The following SYNC variants were observed in gnomAD, a reference collection of about 807,000 sequenced individuals.
SYNC encodes syncoilin, intermediate filament protein, also known as syncoilin.
Under a neutral mutation model 49.5 loss-of-function variants are expected in SYNC, and 38 were observed. The ratio of observed to expected loss-of-function variants is 0.77; its 90% CI spans 0.59 to 1.01. The LOEUF (loss-of-function observed/expected upper bound fraction) is 1.01, where lower values mean the gene tolerates loss of function less well. SYNC is among the 50% of genes least tolerant of loss of function. The pLI, the probability that SYNC is intolerant of heterozygous loss-of-function variation, is 0.00. For missense variants in SYNC, 579 were observed against 580.6 expected (o/e 1.00, Z 0.03); for synonymous variants, 201 against 230.8 (o/e 0.87, Z 1.17).
chr1:32,684,356 G>C lies in SYNC; in HGVS notation c.1260C>G (p.Arg420=), dbSNP rs752610030. Residue 420 remains arginine (R), a synonymous_variant, in exon 3 of 5, where the codon CGC becomes CGG. Transcript: ENST00000409190. The part of the protein sequence containing the change: ...YREQLEEMEE[R]QRQLRNGVQL... ...GCACCCCATTTCTTAACTGCCTCTGGCGTTCTTCCATTTCCTCCAGCTGTT... is the reference window on the plus strand; with the variant it reads ...GCACCCCATTTCTTAACTGCCTCTGCCGTTCTTCCATTTCCTCCAGCTGTT... 6.2e-7 allele frequency: 1 copy of C among 1,614,074 alleles called. No homozygotes were observed. Among genetic ancestry groups the C allele is most frequent in the South Asian group, 1.1e-5 (1 of 91,074 alleles).
At chr1:32,684,772 A>G (rs1259356866) in intron 2 of SYNC, 1 of 159,816 alleles carries the variant, frequency 6.3e-6, no homozygotes, top group Non-Finnish European at 1.4e-5. Flanking sequence ...TTAATAATAT[A>G]AAATACTTAA....
chr1:32,703,564 G>T (rs974516776), upstream of SYNC: 1 of 152,280 alleles, frequency 6.6e-6, no homozygotes, highest in Non-Finnish European at 1.5e-5. Context: ...GGCTTCAGGC[G>T]TTCTTCCTTC....
intron 2 of SYNC, among the ~76,000 whole-genome samples, chr1:32,694,659 A>C (rs1650317270): frequency 6.6e-6 from 1 of 152,060 alleles, no homozygotes; most frequent in East Asian, 1.9e-4. Flanking sequence ...ATCTCAAAAA[A>C]AAAAAAACAA....
chr1:32,683,288 G>T (rs567688992), intron 4 of SYNC: 4 of 140,278 alleles, frequency 2.9e-5, no homozygotes, highest in African/African-American at 1.0e-4. Context: ...AAAAAAAAGA[G>T]TAAGTCTGTG....
chr1:32,696,620 T>C (rs915956560), intron 1 of SYNC, among the ~76,000 whole-genome samples: 3 of 152,038 alleles, frequency 2.0e-5, no homozygotes, highest in Non-Finnish European at 4.4e-5. Context: ...CGGCTAATTT[T>C]TGTATTTTTA....
chr1:32,692,286 T>G (rs1258763671), intron 2 of SYNC, among the ~76,000 whole-genome samples: 1 of 152,202 alleles, frequency 6.6e-6, no homozygotes, highest in Non-Finnish European at 1.5e-5. Flanking sequence ...TACCTGCACC[T>G]CTCATAAATC....
chr1:32,684,502 G>A (rs1167192058), intron 2 of SYNC, 120 bp from the exon 3 acceptor site: 25 of 1,407,550 alleles, frequency 1.8e-5, no homozygotes, highest in Non-Finnish European at 2.1e-5. Flanking sequence ...TATTGAGGCT[G>A]GTATTTATAT....
rs543491300 is a variant in SYNC at position 32,699,406 on chromosome 1, T to C, written c.53+3202A>G. Reference sequence around the variant, plus strand: ...TGACCTCGTGATCCACCAGGGATCATGGCCTCCCAAAGTGCTGGGATTACA... The same window carrying C: ...TGACCTCGTGATCCACCAGGGATCACGGCCTCCCAAAGTGCTGGGATTACA... On this transcript the variant is annotated intron_variant, in intron 1 of 4. Coordinates refer to ENST00000409190, the MANE Select transcript of SYNC (RefSeq NM_030786.3). Among the ~76,000 whole-genome samples, 3 of 149,228 alleles carry C rather than the reference T, an allele frequency of 2.0e-5. 1 individual carries two copies. In the South Asian group the frequency reaches 6.4e-4, roughly 32 times the overall value.
intron 2 of SYNC, among the ~76,000 whole-genome samples, chr1:32,692,916 T>C (rs909766539): frequency 9.3e-5 from 14 of 151,288 alleles, no homozygotes; most frequent in Admixed American, 4.0e-4. Context: ...GAAATGAGAA[T>C]TGCTTGAACC....
intron 2 of SYNC, among the ~76,000 whole-genome samples, chr1:32,693,258 T>C (rs1650254858): frequency 6.6e-6 from 1 of 151,972 alleles, no homozygotes; most frequent in African/African-American, 2.4e-5. Context: ...AATTTTTGTC[T>C]TTTTAGTAGA....
intron 2 of SYNC, 116 bp downstream of exon 2, chr1:32,694,749 G>A: frequency 9.2e-7 from 1 of 1,088,498 alleles, no homozygotes; most frequent in Non-Finnish European, 1.3e-6. Context: ...TGGCCCCAAA[G>A]AACAAATTTT....
chr1:32,697,310 G>A (rs1312013428), intron 1 of SYNC, among the ~76,000 whole-genome samples: 1 of 151,576 alleles, frequency 6.6e-6, no homozygotes, highest in Admixed American at 6.6e-5. Context: ...GCGTGGTGGT[G>A]CATGCCTGTA....
intron 4 of SYNC, 113 bp downstream of exon 4, chr1:32,683,897 T>C (rs1195386125): frequency 9.9e-7 from 1 of 1,007,528 alleles, no homozygotes; most frequent in Admixed American, 2.0e-5. Context: ...CCTCCCAAAG[T>C]GCTAGGATTA....
intron 2 of SYNC, among the ~76,000 whole-genome samples, chr1:32,693,964 C>A (rs777010345): frequency 6.6e-6 from 1 of 152,156 alleles, no homozygotes; most frequent in Non-Finnish European, 1.5e-5. Context: ...TGGCCGGCTG[C>A]GGTGGCTCAC....
chr1:32,684,193 C>T, intron 3 of SYNC, 65 bp downstream of exon 3: 8 of 1,607,128 alleles, frequency 5.0e-6, no homozygotes, highest in Non-Finnish European at 6.0e-6. Context: ...TAAAATTTTC[C>T]CTAAGCCCTC....
At chr1:32,692,524 A>T (rs1570914738) in intron 2 of SYNC, among the ~76,000 whole-genome samples, 1 of 152,218 alleles carries the variant, frequency 6.6e-6, no homozygotes, top group South Asian at 2.1e-4. Flanking sequence ...AGGCCGGTGG[A>T]TCACCTGAGG....
At chr1:32,697,168 G>A (rs760888847) in intron 1 of SYNC, among the ~76,000 whole-genome samples, 5 of 152,006 alleles carry the variant, frequency 3.3e-5, no homozygotes, top group African/African-American at 4.8e-5. Flanking sequence ...TCGGCCAGGC[G>A]TGGTGGCTCA....
In SYNC at chr1:32,702,686, C is replaced by T. The variant is rs993485769; in HGVS notation, c.-26G>A. The T allele has an allele frequency of 1.7e-6, 2 of 1,165,622 alleles. No homozygotes were observed. The highest frequency in any genetic ancestry group is 3.2e-5 in the African/African-American group (2 of 61,646). 72.2% of individuals were successfully genotyped at this position (1,165,622 alleles called of 1,614,324 possible). ...GGCTGCGCGACCCCGGGCTGGCGGCCGCGTTATTAATAGCCGGGCCCGCGG... is the reference window on the plus strand; with the variant it reads ...GGCTGCGCGACCCCGGGCTGGCGGCTGCGTTATTAATAGCCGGGCCCGCGG... On this transcript the variant is annotated 5_prime_UTR_variant, in exon 1 of 5. Transcript: ENST00000409190. The surrounding 1 kb of genome is among the most constrained non-coding windows in gnomAD (Gnocchi z 6.2).
Position 32,684,090 on chromosome 1 carries a change from C to CT in SYNC, c.1359-2dup. On this transcript the variant is annotated splice_acceptor_variant, in intron 3 of 4. Transcript: ENST00000409190. LOFTEE classifies it high-confidence loss of function. ...CAGGCTCTTGGGTAGTAGCATAGCC[C>CT]TTTAAAAAGAGAGAGCCATTTTCCA... 1 of 1,609,852 alleles carries CT rather than the reference C, an allele frequency of 6.2e-7. No homozygotes were observed. Among genetic ancestry groups the CT allele is most frequent in the Non-Finnish European group, 8.5e-7 (1 of 1,179,830 alleles).
Sources: allele counts gnomAD v4.1 joint callset (sites outside exome capture counted in the v4.1 genomes callset), GRCh38; gene constraint gnomAD v4.1.1; non-coding constraint Gnocchi (gnomAD v3.1); transcripts MANE v1.5; gene names NCBI Gene and HGNC (gene_info 2026-07-23, HGNC 2026-07-21).